Variants in NXPH1 observed in about 807,000 individuals in gnomAD.
The protein encoded by NXPH1 is neurexophilin 1.
NXPH1 carries 5 observed loss-of-function variants against 23.7 expected under a neutral mutation model. That is an observed-to-expected ratio of 0.21 (90% CI 0.11 to 0.44). The LOEUF (loss-of-function observed/expected upper bound fraction) is 0.44, where lower values mean the gene tolerates loss of function less well. NXPH1 is among the 20% of genes least tolerant of loss of function. The probability of loss-of-function intolerance (pLI) is 0.99; values close to 1 mark genes in which losing one functional copy is unlikely to be tolerated. For synonymous variants in NXPH1, 144 were observed against 122.2 expected, an observed-to-expected ratio of 1.18 and a Z score of -1.18; for missense variants, 324 against 321.6, an observed-to-expected ratio of 1.01 and a Z score of -0.06.
At chr7:8,654,789 C>T (rs142884104) in intron 2 of NXPH1, among the ~76,000 whole-genome samples, 10 of 152,306 alleles carry the variant, frequency 6.6e-5, no homozygotes, top group African/African-American at 1.9e-4. Context: ...ATGGCAGGTT[C>T]ATTCTATCTG....
At chr7:8,461,578 C>G (rs971738505) in intron 2 of NXPH1, among the ~76,000 whole-genome samples, 1 of 151,944 alleles carries the variant, frequency 6.6e-6, no homozygotes, top group Non-Finnish European at 1.5e-5. Flanking sequence ...CGCCTGTAAT[C>G]CCAGCACTTT....
At chr7:8,743,467 G>C (rs933562618) in intron 2 of NXPH1, among the ~76,000 whole-genome samples, 1 of 152,024 alleles carries the variant, frequency 6.6e-6, no homozygotes, top group South Asian at 2.1e-4. Flanking sequence ...ATTTTGTCAC[G>C]TACAGCCAGA....
intron 2 of NXPH1, among the ~76,000 whole-genome samples, chr7:8,616,696 A>T (rs1303531588): frequency 6.6e-6 from 1 of 151,986 alleles, no homozygotes; most frequent in Non-Finnish European, 1.5e-5. Context: ...GTTGCTTTTG[A>T]ACACAGTGAA....
At chr7:8,600,853 C>T (rs1819343018) in intron 2 of NXPH1, among the ~76,000 whole-genome samples, 2 of 152,006 alleles carry the variant, frequency 1.3e-5, no homozygotes, top group African/African-American at 4.8e-5. Context: ...CTGGGTTCTG[C>T]ATCCCTGGAT....
At chr7:8,728,304 T>C (rs1394295366) in intron 2 of NXPH1, among the ~76,000 whole-genome samples, 1 of 152,210 alleles carries the variant, frequency 6.6e-6, no homozygotes, top group African/African-American at 2.4e-5. Flanking sequence ...TTTGACTTCC[T>C]CTTTTCCTAA....
intron 2 of NXPH1, among the ~76,000 whole-genome samples, chr7:8,727,137 T>A (rs1316354356): frequency 5.5e-5 from 8 of 146,772 alleles, no homozygotes; most frequent in South Asian, 2.2e-4. Flanking sequence ...AATGTCTTCT[T>A]TTGAGAAGTG....
chr7:8,520,702 A>G (rs1817757552), intron 2 of NXPH1, among the ~76,000 whole-genome samples: 1 of 152,102 alleles, frequency 6.6e-6, no homozygotes, highest in Admixed American at 6.6e-5. Flanking sequence ...CACTCTTCCC[A>G]TCTGTTAATG....
At chr7:8,440,834 C>T (rs1372999375) in intron 2 of NXPH1, among the ~76,000 whole-genome samples, 2 of 152,180 alleles carry the variant, frequency 1.3e-5, no homozygotes, top group Non-Finnish European at 2.9e-5. Flanking sequence ...CCCATCCTCC[C>T]AGTCCTGGAA....
At chr7:8,539,812 T>C (rs1354431000) in intron 2 of NXPH1, among the ~76,000 whole-genome samples, 1 of 151,852 alleles carries the variant, frequency 6.6e-6, no homozygotes, top group Non-Finnish European at 1.5e-5. Context: ...TGTTTTACTA[T>C]ACTTTTCTTA....
In NXPH1 at chr7:8,736,848, G is replaced by A. The variant is rs561234722; in HGVS notation, c.55-14160G>A. On this transcript the variant is annotated intron_variant, in intron 2 of 2. Transcript: ENST00000405863. ...ATATATATTTAGGATATTTAGCTCT[G>A]CTTGTTACATTGATCCCTTTACCAT... Among the ~76,000 whole-genome samples, 4 of 152,092 alleles carry A rather than the reference G, an allele frequency of 2.6e-5. 1 individual carries two copies. In the South Asian group the frequency reaches 6.2e-4, roughly 24 times the overall value.
intron 2 of NXPH1, among the ~76,000 whole-genome samples, chr7:8,682,149 G>C (rs1001925878): frequency 6.6e-6 from 1 of 152,174 alleles, no homozygotes; most frequent in Non-Finnish European, 1.5e-5. Context: ...GGGAGGGGCC[G>C]AGCAGGCAGT....
chr7:8,434,444 C>A lies in NXPH1; in HGVS notation c.-422C>A. 1 of 153,918 alleles carries A rather than the reference C, an allele frequency of 6.5e-6. No individual in the cohort carries two copies. Among genetic ancestry groups the A allele is most frequent in the Non-Finnish European group, 1.5e-5 (1 of 68,920 alleles). The allele number at this position is 153,918 out of a possible 1,614,324, so 9.5% of individuals were successfully genotyped here. On this transcript the variant is annotated 5_prime_UTR_variant, in exon 1 of 3. Transcript: ENST00000405863. The surrounding 1 kb of genome is among the most constrained non-coding windows in gnomAD (Gnocchi z 7.6). The stretch of plus-strand genomic sequence containing the variant: ...CCTCTCTCCCTCCCTCTTGCTCTCC[C>A]TCCCTTTCTGTCTTCCTCTCTTTCC...
At chr7:8,637,106 G>T (rs1820228718) in intron 2 of NXPH1, among the ~76,000 whole-genome samples, 3 of 152,100 alleles carry the variant, frequency 2.0e-5, no homozygotes, top group African/African-American at 7.2e-5. Context: ...ATAGACATGT[G>T]GTCAGCCTTT....
intron 2 of NXPH1, among the ~76,000 whole-genome samples, chr7:8,493,681 T>A (rs1817288933): frequency 6.6e-6 from 1 of 152,052 alleles, no homozygotes; most frequent in Non-Finnish European, 1.5e-5. Flanking sequence ...GTCAGGGACA[T>A]AATAAAATGT....
intron 2 of NXPH1, among the ~76,000 whole-genome samples, chr7:8,567,663 T>G (rs1178258999): frequency 6.6e-6 from 1 of 151,942 alleles, no homozygotes; most frequent in Admixed American, 6.6e-5. Flanking sequence ...AATTTTATCT[T>G]TTTGAGTATT....
intron 2 of NXPH1, among the ~76,000 whole-genome samples, chr7:8,628,193 A>C (rs60434389): frequency 0.025 from 3,752 of 152,220 alleles, 140 homozygotes; most frequent in African/African-American, 0.078. Flanking sequence ...ACTACATACT[A>C]TTTCCTCAAA....
intron 2 of NXPH1, among the ~76,000 whole-genome samples, chr7:8,710,455 A>G (rs139652717): frequency 1.4e-3 from 208 of 152,150 alleles, no homozygotes; most frequent in African/African-American, 4.6e-3. Context: ...TGCAACTCAT[A>G]TTTTACATTT....
chr7:8,599,807 ATTT>A (rs57462739), intron 2 of NXPH1, among the ~76,000 whole-genome samples: 1 of 145,194 alleles, frequency 6.9e-6, no homozygotes, highest in African/African-American at 2.6e-5. Context: ...AGATAGGAAG[ATTT>A]TTTTTTTTTT....
intron 2 of NXPH1, among the ~76,000 whole-genome samples, chr7:8,484,960 C>T (rs1563324051): frequency 6.6e-6 from 1 of 152,160 alleles, no homozygotes; most frequent in Admixed American, 6.5e-5. Flanking sequence ...TGTTAGGGCA[C>T]TGATATGGTT....
Sources: gnomAD v4.1 joint callset for allele counts (sites outside exome capture counted in the v4.1 genomes callset) on GRCh38, gnomAD v4.1.1 for gene constraint, Gnocchi (gnomAD v3.1) non-coding constraint, MANE v1.5 for transcripts, NCBI Gene and HGNC (gene_info 2026-07-23, HGNC 2026-07-21) for gene names.